Variants in MSRB3 observed in about 807,000 individuals in gnomAD.
The protein encoded by MSRB3 is methionine-R-sulfoxide reductase B3.
A neutral mutation model predicts 21.0 loss-of-function variants in MSRB3; 13 were observed. The ratio of observed to expected loss-of-function variants is 0.62; its 90% CI spans 0.40 to 0.98. The LOEUF (loss-of-function observed/expected upper bound fraction) is 0.98, where lower values mean the gene tolerates loss of function less well. Ranked by LOEUF, MSRB3 falls within the 50% of genes least tolerant of loss-of-function variation. MSRB3 has a pLI of 0.00. For synonymous variants in MSRB3, 87 were observed against 88.6 expected (o/e 0.98, Z 0.10); for missense variants, 199 against 230.3 (o/e 0.86, Z 0.88).
chr12:65,431,012 A>G (rs1433250594), intron 5 of MSRB3, among the ~76,000 whole-genome samples: 3 of 152,136 alleles, frequency 2.0e-5, no homozygotes, highest in Non-Finnish European at 2.9e-5. Context: ...ACATAAATTC[A>G]TCAAACTCCT....
intron 2 of MSRB3, among the ~76,000 whole-genome samples, chr12:65,325,348 A>C (rs377306304): frequency 2.0e-5 from 3 of 152,324 alleles, no homozygotes; most frequent in South Asian, 4.1e-4. Context: ...GTGCCTGTGG[A>C]TCTTTGCAGG....
chr12:65,350,271 C>G (rs1336886652), intron 4 of MSRB3, among the ~76,000 whole-genome samples: 1 of 151,510 alleles, frequency 6.6e-6, no homozygotes, highest in African/African-American at 2.4e-5. Flanking sequence ...TGATCTATAT[C>G]TCTGTTTTGG....
chr12:65,358,242 C>T (rs1194956775), intron 4 of MSRB3, among the ~76,000 whole-genome samples: 1 of 151,826 alleles, frequency 6.6e-6, no homozygotes, highest in East Asian at 1.9e-4. Context: ...CTCAACCCCC[C>T]GAGTACCTGG....
intron 4 of MSRB3, among the ~76,000 whole-genome samples, chr12:65,358,283 A>G (rs1877504765): frequency 6.6e-6 from 1 of 151,312 alleles, no homozygotes. Context: ...ATGCCCAGCT[A>G]ATTTTTTATT....
chr12:65,356,643 G>A (rs1877400631), intron 4 of MSRB3, among the ~76,000 whole-genome samples: 1 of 151,780 alleles, frequency 6.6e-6, no homozygotes, highest in African/African-American at 2.4e-5. Flanking sequence ...AAGATAGAAT[G>A]TTCTATTTTA....
chr12:65,453,137 A>T (rs957569697), intron 5 of MSRB3, among the ~76,000 whole-genome samples: 1 of 152,178 alleles, frequency 6.6e-6, no homozygotes, highest in African/African-American at 2.4e-5. Flanking sequence ...TGAGTCTCTT[A>T]TGAAGTGAAC....
chr12:65,394,855 A>G (rs1473797098), intron 5 of MSRB3, among the ~76,000 whole-genome samples: 1 of 152,236 alleles, frequency 6.6e-6, no homozygotes, highest in South Asian at 2.1e-4. Context: ...AGTATTTGAC[A>G]AAACCTGACA....
chr12:65,370,038 A>G (rs1229073523), intron 5 of MSRB3, among the ~76,000 whole-genome samples: 6 of 152,140 alleles, frequency 3.9e-5, no homozygotes, highest in Non-Finnish European at 7.4e-5. Flanking sequence ...GGTGAGACTC[A>G]TTAACTATGA....
chr12:65,288,156 A>T (rs12582039), intron 1 of MSRB3, among the ~76,000 whole-genome samples: 3 of 151,512 alleles, frequency 2.0e-5, no homozygotes, highest in Admixed American at 1.3e-4. Context: ...TACCAAAATT[A>T]GCTGGGCGTG....
chr12:65,457,133 T>C (rs1883123915), intron 6 of MSRB3, among the ~76,000 whole-genome samples: 1 of 152,132 alleles, frequency 6.6e-6, no homozygotes, highest in South Asian at 2.1e-4. Flanking sequence ...ATTTTTTCAT[T>C]ATCTGTTTAT....
rs541701916 is a variant in MSRB3, at chr12:65,399,207, T to C, written c.292+30181T>C. Among the ~76,000 whole-genome samples the C allele has an allele frequency of 1.8e-4, 27 of 152,316 alleles. No individual in the cohort carries two copies. In the East Asian group the frequency reaches 3.5e-3, roughly 20 times the overall value. On this transcript the variant is annotated intron_variant, in intron 5 of 6. Coordinates refer to ENST00000308259, the MANE Select transcript of MSRB3 (RefSeq NM_001031679.3). ...TAAATTACTTTGAGCCGTACGGCCATTTTCATGATATTGATTCTTCCTATC... is the reference window on the plus strand; with the variant it reads ...TAAATTACTTTGAGCCGTACGGCCACTTTCATGATATTGATTCTTCCTATC...
At position 65,327,082 on chromosome 12, in the gene MSRB3, GTGT is replaced by G; in HGVS notation, c.185+153_185+155del. The G allele has an allele frequency of 1.5e-5, 10 of 675,798 alleles. No homozygotes were observed. The South Asian group carries it at 1.7e-4, about 12-fold the overall frequency. The allele number at this position is 675,798 out of a possible 1,614,324, so 41.9% of individuals were successfully genotyped here. A position where few individuals can be genotyped will look rare whatever the true frequency, so the allele number is the denominator to read the frequency against. ...TAGTATCCTTGAAAAGGTTAAAATGGTGTTGTTTAGGTTAAGACTAAGTTTTAT... is the reference window on the plus strand; with the variant it reads ...TAGTATCCTTGAAAAGGTTAAAATGGTGTTTAGGTTAAGACTAAGTTTTAT... On this transcript the variant is annotated intron_variant, in intron 3 of 6. Transcript: ENST00000308259.
intron 4 of MSRB3, among the ~76,000 whole-genome samples, chr12:65,329,535 A>G (rs148587406): frequency 0.042 from 6,337 of 152,076 alleles, 431 homozygotes; most frequent in African/African-American, 0.14. Flanking sequence ...CTGTAGTCCC[A>G]GCTACTCGGG....
At chr12:65,329,045 T>C (rs1323713399) in intron 4 of MSRB3, among the ~76,000 whole-genome samples, 3 of 152,234 alleles carry the variant, frequency 2.0e-5, no homozygotes, top group East Asian at 1.9e-4. Context: ...AATACCTGTA[T>C]TGAATGTAAC....
At chr12:65,371,113 G>A (rs958057185) in intron 5 of MSRB3, among the ~76,000 whole-genome samples, 6 of 152,048 alleles carry the variant, frequency 3.9e-5, no homozygotes, top group Non-Finnish European at 8.8e-5. Flanking sequence ...AGATCGCAAG[G>A]TCAGGAGATC....
intron 5 of MSRB3, among the ~76,000 whole-genome samples, chr12:65,396,702 A>AG (rs1879814477): frequency 7.6e-5 from 2 of 26,450 alleles, no homozygotes; most frequent in African/African-American, 2.3e-4. Context: ...AAAAAAAAAA[A>AG]AAAAAGAAAG....
chr12:65,388,612 T>A (rs1423852590), intron 5 of MSRB3, among the ~76,000 whole-genome samples: 1 of 152,340 alleles, frequency 6.6e-6, no homozygotes, highest in Admixed American at 6.5e-5. Context: ...GCCTCATGCC[T>A]GTAATCCTAG....
At chr12:65,462,865 A>G (rs892437643) in intron 6 of MSRB3, among the ~76,000 whole-genome samples, 4 of 152,228 alleles carry the variant, frequency 2.6e-5, no homozygotes, top group Non-Finnish European at 5.9e-5. Flanking sequence ...TGATTCATAA[A>G]ATTACTGCAG....
chr12:65,414,918 A>G (rs11175756), intron 5 of MSRB3, among the ~76,000 whole-genome samples: 58,687 of 151,990 alleles, frequency 0.39, 11,790 homozygotes, highest in South Asian at 0.57. Flanking sequence ...AGAGGTGCTT[A>G]TAAGTCATCC....
Sources: gnomAD v4.1 joint callset for allele counts (sites outside exome capture counted in the v4.1 genomes callset) on GRCh38, gnomAD v4.1.1 for gene constraint, MANE v1.5 for transcripts, NCBI Gene and HGNC (gene_info 2026-07-23, HGNC 2026-07-21) for gene names.